Variants in RTN4IP1 observed in about 807,000 individuals in gnomAD.
The protein encoded by RTN4IP1 is NAD(P)H oxidoreductase RTN4IP1, mitochondrial.
RTN4IP1 carries 32 observed loss-of-function variants against 46.6 expected under a neutral mutation model. The observed-to-expected ratio is 0.69, with a 90% CI of 0.52 to 0.92. The LOEUF (loss-of-function observed/expected upper bound fraction) is 0.92, where lower values mean the gene tolerates loss of function less well. Ranked by LOEUF, RTN4IP1 falls within the 40% of genes least tolerant of loss-of-function variation. RTN4IP1 has a pLI of 0.00. For synonymous variants in RTN4IP1, 167 were observed against 161.8 expected, an observed-to-expected ratio of 1.03 and a Z score of -0.24; for missense variants, 424 against 485.8, an observed-to-expected ratio of 0.87 and a Z score of 1.20.
At chr6:106,582,859 T>C (rs1775402575) in intron 8 of RTN4IP1, among the ~76,000 whole-genome samples, 1 of 152,138 alleles carries the variant, frequency 6.6e-6, no homozygotes, top group African/African-American at 2.4e-5. Flanking sequence ...CAGCCAGTTG[T>C]CTTCACCCAA....
chr6:106,603,977 C>CA lies in RTN4IP1; in HGVS notation c.621-1056dup, dbSNP rs59443234. On this transcript the variant is annotated intron_variant, in intron 4 of 8. Transcript: ENST00000369063. ...TGAGAATTCTCTTTATGACGGCCTA[C>CA]AAAAAAAACACTTTTCTGAACACTA... 9.8e-3 allele frequency among the ~76,000 whole-genome samples: 1,480 copies of CA among 151,578 alleles called. 16 individuals carry two copies. Among genetic ancestry groups the CA allele is most frequent in the Non-Finnish European group, 0.016 (1,083 of 67,830 alleles).
At chr6:106,630,490 C>T (rs1776799887), upstream of RTN4IP1, among the ~76,000 whole-genome samples, 1 of 152,220 alleles carries the variant, frequency 6.6e-6, no homozygotes, top group Non-Finnish European at 1.5e-5. Context: ...TGGCTGGAAT[C>T]TGCCCTCTTA....
chr6:106,572,972 C>T (rs1775116249), intron 8 of RTN4IP1, among the ~76,000 whole-genome samples: 2 of 152,168 alleles, frequency 1.3e-5, no homozygotes, highest in African/African-American at 2.4e-5. Flanking sequence ...GGGAAAAACG[C>T]ACCTCATGTG....
intron 1 of RTN4IP1, among the ~76,000 whole-genome samples, chr6:106,623,476 A>C (rs922975514): frequency 6.6e-6 from 1 of 152,202 alleles, no homozygotes; most frequent in Non-Finnish European, 1.5e-5. Context: ...TCTGTAGAAC[A>C]AACCCCCATG....
chr6:106,593,352 A>G (rs983202785), intron 5 of RTN4IP1, among the ~76,000 whole-genome samples: 1 of 152,228 alleles, frequency 6.6e-6, no homozygotes, highest in Non-Finnish European at 1.5e-5. Flanking sequence ...AAGTATCCAG[A>G]AAGCATTCTG....
intron 8 of RTN4IP1, among the ~76,000 whole-genome samples, chr6:106,574,849 A>G (rs1239972609): frequency 6.6e-6 from 1 of 152,234 alleles, no homozygotes. Flanking sequence ...TGAACTGATG[A>G]CACAGGCAGC....
chr6:106,590,795 C>T (rs1452156048), intron 6 of RTN4IP1, among the ~76,000 whole-genome samples: 2 of 148,964 alleles, frequency 1.3e-5, no homozygotes, highest in Non-Finnish European at 3.0e-5. Context: ...CCTGTCATGT[C>T]GTCACTCTCA....
In RTN4IP1 at chr6:106,621,736, G is replaced by A. The variant is rs139516700; in HGVS notation, c.427-243C>T. Among the ~76,000 whole-genome samples the A allele has an allele frequency of 6.4e-4, 98 of 152,246 alleles. 1 individual carries two copies. Among genetic ancestry groups the A allele is most frequent in the African/African-American group, 2.2e-3 (90 of 41,516 alleles). On this transcript the variant is annotated intron_variant, in intron 2 of 8. Coordinates refer to ENST00000369063, the MANE Select transcript of RTN4IP1 (RefSeq NM_032730.5). ...TCCTGCTGCATTTACTGACTACTTC[G>A]AGTCCCAATAAGACCACAATCTCTG... is the stretch of plus-strand genomic sequence containing the variant.
chr6:106,620,179 A>C (rs1776453168), intron 3 of RTN4IP1, among the ~76,000 whole-genome samples: 2 of 152,024 alleles, frequency 1.3e-5, no homozygotes, highest in African/African-American at 4.8e-5. Flanking sequence ...ACCTCTGCTC[A>C]CTGCAACCTC....
intron 4 of RTN4IP1, among the ~76,000 whole-genome samples, chr6:106,618,540 A>G (rs1776405688): frequency 6.6e-6 from 1 of 152,200 alleles, no homozygotes; most frequent in African/African-American, 2.4e-5. Flanking sequence ...TTTAACCTTC[A>G]AAACAAAACT....
intron 6 of RTN4IP1, 36 bp from the exon 7 acceptor site, chr6:106,587,898 A>C (rs1328359106): frequency 6.4e-7 from 1 of 1,567,424 alleles, no homozygotes; most frequent in East Asian, 2.3e-5. Context: ...CATGGTTGTC[A>C]GGCTTTACAC....
chr6:106,588,313 A>G (rs1775536402), intron 6 of RTN4IP1, among the ~76,000 whole-genome samples: 1 of 152,236 alleles, frequency 6.6e-6, no homozygotes, highest in Non-Finnish European at 1.5e-5. Flanking sequence ...TCCATTCTCT[A>G]TAAAGTATTC....
intron 8 of RTN4IP1, among the ~76,000 whole-genome samples, chr6:106,574,790 CG>C (rs1248383364): frequency 6.6e-6 from 1 of 152,196 alleles, no homozygotes; most frequent in Admixed American, 6.5e-5. Context: ...AAACCAAAAC[CG>C]GCTGAACTGA....
intron 5 of RTN4IP1, among the ~76,000 whole-genome samples, chr6:106,595,288 T>G (rs2114645826): frequency 6.6e-6 from 1 of 152,288 alleles, no homozygotes. Flanking sequence ...CAGATGGATC[T>G]GGAGACTAGA....
intron 6 of RTN4IP1, among the ~76,000 whole-genome samples, chr6:106,588,967 A>G (rs971051817): frequency 3.3e-5 from 5 of 150,942 alleles, no homozygotes; most frequent in Admixed American, 6.6e-5. Context: ...AAAATTAGCC[A>G]GATGTGGTGG....
Position 106,572,018 on chromosome 6 carries a change from T to C in RTN4IP1, c.1169A>G (p.Lys390Arg). The C allele has an allele frequency of 6.2e-7, 1 of 1,612,940 alleles. No homozygotes were observed. Among genetic ancestry groups the C allele is most frequent in the South Asian group, 1.1e-5 (1 of 91,056 alleles). ...LKVERGHARGKTVINVV is the reference protein window; with the variant it reads ...LKVERGHARGRTVINVV ...TATTTAAACAACATTAATTACAGTC[T>C]TTCCTCGTGCGTGTCCTCTTTCCAC... Residue 390 changes from lysine (K) to arginine (R), a missense_variant, in exon 9 of 9, where the codon AAG becomes AGG. Physicochemically the swap from Lys to Arg is conservative, Grantham distance 26. Transcript: ENST00000369063.
intron 8 of RTN4IP1, 135 bp from the exon 9 acceptor site, chr6:106,572,238 C>G (rs1775085863): frequency 1.4e-6 from 1 of 690,336 alleles, no homozygotes; most frequent in Non-Finnish European, 2.5e-6. Flanking sequence ...GGACCCAGGT[C>G]AGGCTCTCAC....
chr6:106,573,352 A>G (rs1775130002), intron 8 of RTN4IP1, among the ~76,000 whole-genome samples: 2 of 152,244 alleles, frequency 1.3e-5, no homozygotes, highest in Non-Finnish European at 2.9e-5. Context: ...TTACAAGAGG[A>G]AGAAGTGTTT....
At chr6:106,583,015 G>A (rs1775405322) in intron 8 of RTN4IP1, among the ~76,000 whole-genome samples, 1 of 152,162 alleles carries the variant, frequency 6.6e-6, no homozygotes, top group Admixed American at 6.5e-5. Context: ...GTAGATCACA[G>A]CTGTGCTATG....
Sources: allele counts gnomAD v4.1 joint callset (sites outside exome capture counted in the v4.1 genomes callset), GRCh38; gene constraint gnomAD v4.1.1; transcripts MANE v1.5; gene names NCBI Gene and HGNC (gene_info 2026-07-23, HGNC 2026-07-21).